The following NHSL1 variants were observed in gnomAD, a reference collection of about 807,000 sequenced individuals.
The protein encoded by NHSL1 is NHS-like protein 1.
A neutral mutation model predicts 95.0 loss-of-function variants in NHSL1; 48 were observed. That is an observed-to-expected ratio of 0.51 (90% CI 0.40 to 0.64). The LOEUF (loss-of-function observed/expected upper bound fraction) is 0.64, where lower values mean the gene tolerates loss of function less well. Ranked by LOEUF, NHSL1 falls within the 30% of genes least tolerant of loss-of-function variation. NHSL1 has a pLI of 0.00. For missense variants in NHSL1, 1,971 were observed against 2,077.7 expected (o/e 0.95, Z 1.00); for synonymous variants, 783 against 833.9 (o/e 0.94, Z 1.05).
intron 1 of NHSL1, among the ~76,000 whole-genome samples, chr6:138,568,675 T>C (rs1200683425): frequency 1.3e-5 from 2 of 152,228 alleles, no homozygotes; most frequent in African/African-American, 4.8e-5. Context: ...ATACAGATGC[T>C]TACTGGTGGC....
intron 1 of NHSL1, among the ~76,000 whole-genome samples, chr6:138,514,657 C>G (rs1328530533): frequency 6.6e-6 from 1 of 152,196 alleles, no homozygotes; most frequent in East Asian, 1.9e-4. Context: ...GTGGCTCACT[C>G]CTGCAATCTC....
chr6:138,450,631 C>A (rs60408012), intron 3 of NHSL1, among the ~76,000 whole-genome samples: 2 of 152,292 alleles, frequency 1.3e-5, no homozygotes, highest in African/African-American at 4.8e-5. Context: ...CCCGTAGGGA[C>A]AATCACCACA....
intron 1 of NHSL1, among the ~76,000 whole-genome samples, chr6:138,530,182 T>C (rs760328072): frequency 1.8e-4 from 27 of 152,166 alleles, no homozygotes; most frequent in Non-Finnish European, 7.3e-5. Flanking sequence ...TGAATGGAAT[T>C]AGTACACCTA....
intron 4 of NHSL1, among the ~76,000 whole-genome samples, chr6:138,445,484 AG>A (rs140605729): frequency 0.031 from 4,717 of 152,324 alleles, 268 homozygotes; most frequent in African/African-American, 0.11. Context: ...CTGTTTGCTG[AG>A]AAAATGGCTT....
intron 2 of NHSL1, among the ~76,000 whole-genome samples, chr6:138,477,151 A>G (rs1474694465): frequency 6.6e-6 from 1 of 152,176 alleles, no homozygotes; most frequent in Non-Finnish European, 1.5e-5. Flanking sequence ...AAATAAACCA[A>G]TATAAACTAT....
At chr6:138,535,676 G>A (rs1001440733) in intron 1 of NHSL1, among the ~76,000 whole-genome samples, 1 of 152,188 alleles carries the variant, frequency 6.6e-6, no homozygotes, top group Non-Finnish European at 1.5e-5. Flanking sequence ...GTCTGCAGTG[G>A]GATAGATAGG....
intron 1 of NHSL1, among the ~76,000 whole-genome samples, chr6:138,533,546 CT>C (rs1258917607): frequency 1.3e-5 from 2 of 151,920 alleles, no homozygotes; most frequent in Non-Finnish European, 2.9e-5. Context: ...AAAACTCCGT[CT>C]CAAAAAAATA....
chr6:138,493,699 T>A (rs1780200146), intron 2 of NHSL1, among the ~76,000 whole-genome samples: 1 of 152,246 alleles, frequency 6.6e-6, no homozygotes, highest in Non-Finnish European at 1.5e-5. Context: ...TTAACATTCT[T>A]ATTAGCAATT....
At chr6:138,567,988 C>T (rs953267785) in intron 1 of NHSL1, among the ~76,000 whole-genome samples, 2 of 152,144 alleles carry the variant, frequency 1.3e-5, no homozygotes, top group African/African-American at 4.8e-5. Context: ...AGAAGACGGA[C>T]ACCCCATATG....
At chr6:138,578,148 T>A in intron 1 of NHSL1, among the ~76,000 whole-genome samples, 1 of 152,236 alleles carries the variant, frequency 6.6e-6, no homozygotes, top group Middle Eastern at 3.2e-3. Flanking sequence ...ATTAATAGTG[T>A]TGTTCCCCTC....
chr6:138,526,032 G>GCA (rs1781890711), intron 1 of NHSL1, among the ~76,000 whole-genome samples: 1 of 149,072 alleles, frequency 6.7e-6, no homozygotes, highest in Non-Finnish European at 1.5e-5. Flanking sequence ...GGAGGAGGTT[G>GCA]CACTGAGCCG....
intron 1 of NHSL1, among the ~76,000 whole-genome samples, chr6:138,659,813 T>C (rs2114730123): frequency 6.6e-6 from 1 of 150,648 alleles, no homozygotes; most frequent in Middle Eastern, 3.4e-3. Context: ...GCCTCCCAGG[T>C]TCAAGCAAAT....
intron 1 of NHSL1, among the ~76,000 whole-genome samples, chr6:138,638,291 C>A (rs1784914869): frequency 6.6e-6 from 1 of 152,112 alleles, no homozygotes. Flanking sequence ...GACAGCACAA[C>A]AGAGTGACTA....
At chr6:138,574,683 A>G (rs1401689494), upstream of NHSL1, among the ~76,000 whole-genome samples, 3 of 145,102 alleles carry the variant, frequency 2.1e-5, no homozygotes, top group Admixed American at 6.7e-5. Context: ...AAAAAAAAAA[A>G]AAAAGAAAAG....
rs370006624 is a variant in NHSL1, at chr6:138,423,094, T to TTA, written c.*986_*987insTA. The TTA allele has an allele frequency of 3.1e-5, 4 of 129,936 alleles. No homozygotes were observed. Among genetic ancestry groups the TTA allele is most frequent in the East Asian group, 2.2e-4 (1 of 4,506 alleles). 8.0% of individuals were successfully genotyped at this position (129,936 alleles called of 1,614,324 possible). ...GCCTAATGGAAGTTTAAACTCTGGT[T>TTA]AAAAAAAAAAAAAAAAAAAAACTGT... On this transcript the variant is annotated 3_prime_UTR_variant, in exon 8 of 8. Coordinates refer to ENST00000343505, the MANE Select transcript of NHSL1 (RefSeq NM_001144060.2).
chr6:138,466,691 G>C (rs998804132), intron 3 of NHSL1, among the ~76,000 whole-genome samples: 1 of 152,174 alleles, frequency 6.6e-6, no homozygotes, highest in Non-Finnish European at 1.5e-5. Flanking sequence ...TAGTGATGTT[G>C]CAGCCATCAT....
chr6:138,470,597 G>A (rs961750148), intron 3 of NHSL1: 1 of 152,022 alleles, frequency 6.6e-6, no homozygotes, highest in Non-Finnish European at 1.5e-5. Flanking sequence ...AATCAAACCT[G>A]GATTTTTAAA....
chr6:138,498,901 TC>T (rs1031491445), intron 1 of NHSL1, among the ~76,000 whole-genome samples: 65 of 151,972 alleles, frequency 4.3e-4, no homozygotes, highest in Non-Finnish European at 6.5e-4. Flanking sequence ...TACAAGAATT[TC>T]CCCCCTCTTC....
chr6:138,650,933 G>A lies in NHSL1; in HGVS notation c.96+41543C>T, dbSNP rs114938213. 2,043 of 537,232 alleles carry A rather than the reference G, an allele frequency of 3.8e-3. 29 individuals carry two copies. The highest frequency in any genetic ancestry group is 0.036 in the African/African-American group (1,877 of 52,130). The allele number at this position is 537,232 out of a possible 1,614,324, so 33.3% of individuals were successfully genotyped here. ...CACTTGCACAATGTATTTGGCATAG[G>A]TGAAGAAGCTTGGCAGATAGAGGAC... is the stretch of plus-strand genomic sequence containing the variant. On this transcript the variant is annotated intron_variant, in intron 1 of 3. Coordinates refer to the NHSL1 transcript ENST00000491526.
Sources: allele counts gnomAD v4.1 joint callset (sites outside exome capture counted in the v4.1 genomes callset), GRCh38; gene constraint gnomAD v4.1.1; transcripts MANE v1.5; gene names NCBI Gene and HGNC (gene_info 2026-07-23, HGNC 2026-07-21).